Variants in GZMK observed in about 807,000 individuals in gnomAD.
GZMK encodes granzyme K.
GZMK carries 18 observed loss-of-function variants against 22.8 expected under a neutral mutation model. The observed-to-expected ratio is 0.79, with a 90% CI of 0.54 to 1.17. The LOEUF (loss-of-function observed/expected upper bound fraction) is 1.17, where lower values mean the gene tolerates loss of function less well. Among genes scored for constraint, GZMK ranks in the 50% most tolerant of loss-of-function variants. The pLI, the probability that GZMK is intolerant of heterozygous loss-of-function variation, is 0.00. For missense variants in GZMK, 342 were observed against 320.2 expected (o/e 1.07, Z -0.52); for synonymous variants, 136 against 115.0 (o/e 1.18, Z -1.17).
intron 2 of GZMK, among the ~76,000 whole-genome samples, chr5:55,030,079 T>G (rs1741202789): frequency 6.6e-6 from 1 of 152,200 alleles, no homozygotes; most frequent in Non-Finnish European, 1.5e-5. Context: ...AACTACAAAC[T>G]CAAGGAATAT....
intron 2 of GZMK, among the ~76,000 whole-genome samples, chr5:55,029,954 T>C (rs1580299984): frequency 6.6e-6 from 1 of 152,190 alleles, no homozygotes; most frequent in Admixed American, 6.5e-5. Context: ...ATGTCCTTCA[T>C]ACCACCAAAC....
Position 55,031,600 on chromosome 5 carries a change from A to G in GZMK, c.600A>G (p.Ala200=), listed in dbSNP as rs200532050. The stretch of plus-strand genomic sequence containing the variant: ...TTATCACCAAAGACATGGTCTGTGC[A>G]GGAGATGCCAAAGGCCAGAAGGATT... ...DPFITKDMVC[A]GDAKGQKDSC... is the part of the protein sequence containing the mutation. Residue 200 remains alanine, a synonymous_variant, in exon 4 of 5, where the codon GCA becomes GCG. Coordinates refer to ENST00000231009, the MANE Select transcript of GZMK (RefSeq NM_002104.3). 2 of 1,613,944 alleles carry G rather than the reference A, an allele frequency of 1.2e-6. No individual in the cohort carries two copies. Among genetic ancestry groups the G allele is most frequent in the Non-Finnish European group, 1.7e-6 (2 of 1,179,802 alleles).
chr5:55,031,876 C>A (rs1042193155), intron 4 of GZMK, among the ~76,000 whole-genome samples: 22 of 152,200 alleles, frequency 1.4e-4, no homozygotes, highest in African/African-American at 5.3e-4. Context: ...GGATAATAGA[C>A]CATATCTGAC....
intron 4 of GZMK, 27 bp from the exon 5 acceptor site, chr5:55,033,738 C>A: frequency 6.4e-7 from 1 of 1,564,398 alleles, no homozygotes; most frequent in Admixed American, 2.1e-5. Context: ...CTTCTTACCA[C>A]GTATTTGCCC....
intron 2 of GZMK, among the ~76,000 whole-genome samples, chr5:55,025,924 T>C (rs9292079): frequency 0.013 from 1,922 of 152,328 alleles, 45 homozygotes; most frequent in African/African-American, 0.043. Flanking sequence ...TGATTTCCAA[T>C]TTAATATGGT....
At chr5:55,030,046 A>C (rs1162490705) in intron 2 of GZMK, among the ~76,000 whole-genome samples, 1 of 152,246 alleles carries the variant, frequency 6.6e-6, no homozygotes, top group Non-Finnish European at 1.5e-5. Context: ...AACAAATTTT[A>C]ATGGTAGTTG....
At chr5:55,033,232 T>C (rs1488865466) in intron 4 of GZMK, among the ~76,000 whole-genome samples, 1 of 152,238 alleles carries the variant, frequency 6.6e-6, no homozygotes, top group Non-Finnish European at 1.5e-5. Flanking sequence ...TGTCCAACCA[T>C]GTGAGGATGC....
intron 4 of GZMK, among the ~76,000 whole-genome samples, chr5:55,033,336 C>T (rs1014276231): frequency 2.0e-5 from 3 of 152,142 alleles, no homozygotes; most frequent in Non-Finnish European, 2.9e-5. Flanking sequence ...AATAACAACT[C>T]GATTTTAGGT....
chr5:55,032,622 C>T (rs1370745468), intron 4 of GZMK: 1 of 152,146 alleles, frequency 6.6e-6, no homozygotes, highest in Non-Finnish European at 1.5e-5. Flanking sequence ...GTCCCACCTA[C>T]TCAGGAGGCT....
At chr5:55,025,037 G>A in intron 2 of GZMK, 1 of 378,636 alleles carries the variant, frequency 2.6e-6, no homozygotes, top group Non-Finnish European at 4.8e-6. Context: ...ACAAATTCAA[G>A]TCCTCTGTAT....
At chr5:55,033,646 G>T (rs1354608685) in intron 4 of GZMK, 119 bp from the exon 5 acceptor site, 2 of 686,738 alleles carry the variant, frequency 2.9e-6, no homozygotes, top group African/African-American at 3.6e-5. Flanking sequence ...CACTCTTCTG[G>T]ACATAAAGAA....
chr5:55,030,984 C>T (rs1224476693), intron 3 of GZMK, among the ~76,000 whole-genome samples: 1 of 152,204 alleles, frequency 6.6e-6, no homozygotes, highest in Non-Finnish European at 1.5e-5. Context: ...TTAGTCTAGA[C>T]CACACTTAAT....
intron 2 of GZMK, among the ~76,000 whole-genome samples, chr5:55,029,554 GTT>G (rs1289203877): frequency 6.6e-6 from 1 of 150,506 alleles, no homozygotes; most frequent in Non-Finnish European, 1.5e-5. Flanking sequence ...TTGTTTGTTT[GTT>G]TGTTTGTTTG....
intron 2 of GZMK, 26 bp downstream of exon 2, chr5:55,024,833 A>T (rs1554044367): frequency 6.7e-7 from 1 of 1,495,874 alleles, no homozygotes; most frequent in Non-Finnish European, 9.1e-7. Flanking sequence ...TTTTCCAGAC[A>T]TGTGTTTTTT....
rs374687658 is a variant in GZMK, at chr5:55,033,789, T to A, written c.658T>A (p.Cys220Ser). ...CKGDSGGPLICKGVFHAIVSG... is the reference protein window; with the variant it reads ...CKGDSGGPLISKGVFHAIVSG... ...GGGTGACTCAGGGGGCCCCTTGATC[T>A]GTAAAGGTGTCTTCCACGCTATAGT... The change falls in exon 5 of 5, where the codon TGT (cysteine) becomes AGT (serine). Residue 220 changes from cysteine to serine, a missense_variant. Transcript: ENST00000231009. 3 of 1,609,722 alleles carry A rather than the reference T, an allele frequency of 1.9e-6. No homozygotes were observed. The highest frequency in any genetic ancestry group is 4.5e-5 in the East Asian group (2 of 44,776).
intron 3 of GZMK, 31 bp from the exon 4 acceptor site, chr5:55,031,333 G>A (rs549132428): frequency 1.9e-6 from 3 of 1,598,218 alleles, no homozygotes; most frequent in East Asian, 2.2e-5. Context: ...TACTGGGAAA[G>A]AAATAATTCC....
chr5:55,030,394 G>A (rs1228967038), intron 2 of GZMK, 40 bp from the exon 3 acceptor site: 3 of 1,604,120 alleles, frequency 1.9e-6, no homozygotes, highest in Non-Finnish European at 1.7e-6. Context: ...GGGGGATTTG[G>A]AAATCATTCT....
chr5:55,030,634 G>T (rs779431030), intron 3 of GZMK, 50 bp downstream of exon 3: 10 of 1,439,474 alleles, frequency 6.9e-6, no homozygotes, highest in Non-Finnish European at 9.7e-6. Flanking sequence ...TTTTATACAG[G>T]ATGGCTCAAT....
At position 55,031,347 on chromosome 5, in the gene GZMK, T is replaced by G. The variant is rs1580300671; in HGVS notation, c.364-17T>G. The G allele has an allele frequency of 6.2e-7, 1 of 1,606,428 alleles. No individual in the cohort carries two copies. Among genetic ancestry groups the G allele is most frequent in the African/African-American group, 1.3e-5 (1 of 74,764 alleles). On this transcript the variant is annotated splice_polypyrimidine_tract_variant and intron_variant, in intron 3 of 4. Coordinates refer to ENST00000231009, the MANE Select transcript of GZMK (RefSeq NM_002104.3). ...CTACTGGGAAAGAAATAATTCCATCTTTTTTCAATCTGTCAGCTTCAAACA... is the reference window on the plus strand; with the variant it reads ...CTACTGGGAAAGAAATAATTCCATCGTTTTTCAATCTGTCAGCTTCAAACA...
Sources: allele counts gnomAD v4.1 joint callset (sites outside exome capture counted in the v4.1 genomes callset), GRCh38; gene constraint gnomAD v4.1.1; transcripts MANE v1.5; gene names NCBI Gene and HGNC (gene_info 2026-07-23, HGNC 2026-07-21).